Variants in CRYBG3 observed in about 807,000 individuals in gnomAD.
CRYBG3 encodes the protein crystallin beta-gamma domain containing 3.
CRYBG3 carries 127 observed loss-of-function variants against 244.2 expected under a neutral mutation model. That is an observed-to-expected ratio of 0.52 (90% CI 0.45 to 0.60). The LOEUF is 0.60. Among genes scored for constraint, CRYBG3 ranks in the 20% least tolerant of loss-of-function variants. The probability of loss-of-function intolerance (pLI) is 0.00; values close to 1 mark genes in which losing one functional copy is unlikely to be tolerated. For synonymous variants in CRYBG3, 1,132 were observed against 1,195.8 expected (o/e 0.95, Z 1.10); for missense variants, 3,325 against 3,442.5 (o/e 0.97, Z 0.85).
intron 3 of CRYBG3, among the ~76,000 whole-genome samples, chr3:97,866,886 A>G (rs921113483): frequency 4.6e-5 from 7 of 152,210 alleles, no homozygotes; most frequent in African/African-American, 1.7e-4. Flanking sequence ...GGAGGAAAGG[A>G]AAAAACCACC....
rs779894167 is a variant in CRYBG3, at chr3:97,899,210, T to G, written c.7918T>G (p.Phe2640Val). The change falls in exon 14 of 22, where the codon TTT (phenylalanine) becomes GTT (valine). Residue 2640 changes from phenylalanine (F) to valine (V), a missense_variant. Physicochemically the swap from Phe to Val is conservative, Grantham distance 50 (BLOSUM62 -1). Around this residue, in one of 4 missense-constraint regions of CRYBG3, gnomAD observed 714 missense variants for 803.6 expected, o/e 0.89. Transcript: ENST00000389622. Reference protein sequence around the residue: ...ILEKGKYKCFFDWGGSNNIIM... With the variant: ...ILEKGKYKCFVDWGGSNNIIM... ...AGAAAAAGGGAAATACAAATGCTTTTTTGACTGGGGAGGATCAAATAATAT... is the reference window on the plus strand; with the variant it reads ...AGAAAAAGGGAAATACAAATGCTTTGTTGACTGGGGAGGATCAAATAATAT... The G allele has an allele frequency of 3.1e-5, 50 of 1,613,946 alleles. No homozygotes were observed. The highest frequency in any genetic ancestry group is 4.2e-5 in the Non-Finnish European group (49 of 1,179,904).
At chr3:97,893,551 G>A (rs1284812371) in intron 11 of CRYBG3, among the ~76,000 whole-genome samples, 1 of 152,216 alleles carries the variant, frequency 6.6e-6, no homozygotes, top group African/African-American at 2.4e-5. Context: ...TGGGGCAGAA[G>A]CCCCCCAAAT....
At chr3:97,822,383 G>A (rs1386385031) in intron 1 of CRYBG3, 28 bp downstream of exon 1, 7 of 1,484,910 alleles carry the variant, frequency 4.7e-6, no homozygotes, top group Non-Finnish European at 6.2e-6. Context: ...GGTCGCGGGG[G>A]GGCCCTGCAC....
intron 2 of CRYBG3, among the ~76,000 whole-genome samples, chr3:97,847,644 C>T (rs756821019): frequency 4.6e-5 from 7 of 152,058 alleles, no homozygotes; most frequent in Non-Finnish European, 8.8e-5. Context: ...ATATCTGGAC[C>T]GCAGGTTATA....
intron 17 of CRYBG3, chr3:97,933,480 G>T (rs768613469): frequency 1.6e-6 from 1 of 628,700 alleles, no homozygotes. Flanking sequence ...TTGCTTTTCT[G>T]ATAACTTGAA....
At chr3:97,844,191 A>G (rs1333860748) in intron 2 of CRYBG3, among the ~76,000 whole-genome samples, 1 of 152,172 alleles carries the variant, frequency 6.6e-6, no homozygotes, top group Admixed American at 6.5e-5. Context: ...TATTGAAAGG[A>G]AAAAATGAAG....
intron 15 of CRYBG3, among the ~76,000 whole-genome samples, chr3:97,910,364 G>A (rs2039853748): frequency 2.0e-5 from 3 of 152,210 alleles, no homozygotes; most frequent in African/African-American, 4.8e-5. Context: ...CCGCCTTGCA[G>A]TTTGTTCTCA....
rs1055700806 is a variant in CRYBG3, at chr3:97,887,933, G to A, written c.7290-408G>A. Among the ~76,000 whole-genome samples, 114 of 152,214 alleles carry A rather than the reference G, an allele frequency of 7.5e-4. 1 individual carries two copies. The highest frequency in any genetic ancestry group is 7.3e-3 in the Admixed American group (112 of 15,282). On this transcript the variant is annotated intron_variant, in intron 8 of 21. Transcript: ENST00000389622. ...TAGAACTGATATTGATTCTGAAAAC[G>A]TGGCTCAAAATGTAAAACACCTTGT...
intron 10 of CRYBG3, among the ~76,000 whole-genome samples, chr3:97,890,336 A>T (rs936334647): frequency 1.3e-5 from 2 of 152,172 alleles, no homozygotes; most frequent in African/African-American, 4.8e-5. Flanking sequence ...GATGTAAAAG[A>T]TGTACAATTA....
intron 2 of CRYBG3, among the ~76,000 whole-genome samples, chr3:97,849,537 C>T (rs1393599883): frequency 6.6e-6 from 1 of 152,094 alleles, no homozygotes; most frequent in East Asian, 1.9e-4. Context: ...AGGGCTTAAG[C>T]CTGTCATTGT....
At position 97,875,407 on chromosome 3, in the gene CRYBG3, C is replaced by T. The variant is rs1335396153; in HGVS notation, c.4213C>T (p.Leu1405=). The stretch of plus-strand genomic sequence containing the variant: ...AGAAATTGTTCTCTACCAAAAATCC[C>T]TATTTTCTGGAAATGGATCTGGACT... ...GGEIVLYQKS[L]FSGNGSGLSD... is the part of the protein sequence containing the mutation. Residue 1405 remains leucine, a synonymous_variant, in exon 4 of 22, where the codon CTA becomes TTA. Coordinates refer to ENST00000389622, the MANE Select transcript of CRYBG3 (RefSeq NM_153605.4). The T allele has an allele frequency of 7.8e-6, 11 of 1,408,386 alleles. No individual in the cohort carries two copies. Among genetic ancestry groups the T allele is most frequent in the East Asian group, 2.6e-5 (1 of 38,452 alleles). The allele number at this position is 1,408,386 out of a possible 1,614,324, so 87.2% of individuals were successfully genotyped here. A position where few individuals can be genotyped will look rare whatever the true frequency, so the allele number is the denominator to read the frequency against.
At chr3:97,865,693 A>T (rs2039221310) in intron 3 of CRYBG3, among the ~76,000 whole-genome samples, 1 of 152,194 alleles carries the variant, frequency 6.6e-6, no homozygotes, top group Admixed American at 6.5e-5. Context: ...ATACTCTCTT[A>T]TATGTAATTT....
At chr3:97,890,459 G>C (rs1422069751) in intron 10 of CRYBG3, among the ~76,000 whole-genome samples, 4 of 152,176 alleles carry the variant, frequency 2.6e-5, no homozygotes, top group Non-Finnish European at 5.9e-5. Context: ...CAGGTTGTAG[G>C]TGTATATGAA....
At position 97,873,532 on chromosome 3, in the gene CRYBG3, C is replaced by T. The variant is rs761611728; in HGVS notation, c.2338C>T (p.Pro780Ser). 1.0e-5 allele frequency: 16 copies of T among 1,535,704 alleles called. No individual in the cohort carries two copies. In the South Asian group the frequency reaches 1.5e-4, roughly 15 times the overall value. The change falls in exon 4 of 22, where the codon CCT becomes TCT. Residue 780 changes from proline (P) to serine (S), a missense_variant. Pro to Ser is a moderately conservative substitution (Grantham distance 74). Around this residue, in one of 4 missense-constraint regions of CRYBG3, gnomAD observed 1,526 missense variants for 1,443.2 expected, o/e 1.06. Coordinates refer to ENST00000389622, the MANE Select transcript of CRYBG3 (RefSeq NM_153605.4). ...TTGCAGTTCCATTTTATCTCAAGAC[C>T]CTAATAGAGTAGAGTTAGTGTCTTC... ...KDCSSILSQD[P>S]NRVELVSSNT...
intron 8 of CRYBG3, 123 bp downstream of exon 8, chr3:97,886,890 T>C (rs752637385): frequency 1.3e-6 from 1 of 769,892 alleles, no homozygotes; most frequent in Non-Finnish European, 2.0e-6. Context: ...CAAGAAAGAC[T>C]GCAGGGGTTA....
Position 97,822,196 on chromosome 3 carries a change from C to A in CRYBG3, c.-11C>A, listed in dbSNP as rs2038509609. The A allele has an allele frequency of 4.6e-6, 7 of 1,513,014 alleles. No homozygotes were observed. The highest frequency in any genetic ancestry group is 4.4e-6 in the Non-Finnish European group (5 of 1,135,990). The allele number at this position is 1,513,014 out of a possible 1,614,324, so 93.7% of individuals were successfully genotyped here. A position where few individuals can be genotyped will look rare whatever the true frequency, so the allele number is the denominator to read the frequency against. On this transcript the variant is annotated 5_prime_UTR_variant, in exon 1 of 22. Transcript: ENST00000389622. Reference sequence around the variant, plus strand: ...CTTCAGACAGCCCCGGGCCAGCGGCCCCCTCGGGAAATGTCCAGCGGCCGC... The same window carrying A: ...CTTCAGACAGCCCCGGGCCAGCGGCACCCTCGGGAAATGTCCAGCGGCCGC...
At position 97,824,092 on chromosome 3, in the gene CRYBG3, C is replaced by T. The variant is rs1028300687; in HGVS notation, c.149+1737C>T. 1.1e-4 allele frequency among the ~76,000 whole-genome samples: 16 copies of T among 152,122 alleles called. 1 individual carries two copies. The highest frequency in any genetic ancestry group is 3.6e-4 in the African/African-American group (15 of 41,438). ...GATGTTAGGGGGATAGCAGATGACC[C>T]TTTATGTGGGTGTTTTACTGTTTTA... On this transcript the variant is annotated intron_variant, in intron 1 of 21. Coordinates refer to ENST00000389622, the MANE Select transcript of CRYBG3 (RefSeq NM_153605.4).
intron 19 of CRYBG3, among the ~76,000 whole-genome samples, chr3:97,937,657 G>A (rs886832008): frequency 9.2e-5 from 14 of 152,138 alleles, no homozygotes; most frequent in African/African-American, 3.4e-4. Flanking sequence ...CGTTATGGTT[G>A]GATCGGGGTC....
At chr3:97,916,984 T>A (rs933100071) in intron 17 of CRYBG3, among the ~76,000 whole-genome samples, 2 of 152,166 alleles carry the variant, frequency 1.3e-5, no homozygotes, top group South Asian at 2.1e-4. Context: ...AGCAATTTTT[T>A]AAACAATTTT....
Sources: allele counts gnomAD v4.1 joint callset (sites outside exome capture counted in the v4.1 genomes callset), GRCh38; gene constraint gnomAD v4.1.1; regional missense constraint gnomAD v4.1.1; transcripts MANE v1.5; gene names NCBI Gene and HGNC (gene_info 2026-07-23, HGNC 2026-07-21).